Variants in FER observed in about 807,000 individuals in gnomAD.
FER encodes FER tyrosine kinase.
A neutral mutation model predicts 111.0 loss-of-function variants in FER; 63 were observed. The ratio of observed to expected loss-of-function variants is 0.57; its 90% CI spans 0.46 to 0.70. FER has a LOEUF of 0.70. Among genes scored for constraint, FER ranks in the 30% least tolerant of loss-of-function variants. The pLI is 0.00. For missense variants in FER, 914 were observed against 954.0 expected (o/e 0.96, Z 0.55); for synonymous variants, 327 against 313.9 (o/e 1.04, Z -0.44).
At chr5:108,824,008 T>C (rs977396443) in intron 3 of FER, among the ~76,000 whole-genome samples, 4 of 152,178 alleles carry the variant, frequency 2.6e-5, no homozygotes, top group Non-Finnish European at 4.4e-5. Flanking sequence ...TATCCAGTTT[T>C]CCCAACACTG....
At chr5:109,137,631 A>G (rs1753039424) in intron 17 of FER, among the ~76,000 whole-genome samples, 1 of 152,214 alleles carries the variant, frequency 6.6e-6, no homozygotes. Flanking sequence ...GGTACCAGAA[A>G]GAGAAAGAAC....
chr5:109,018,633 T>C (rs542578289), intron 13 of FER, among the ~76,000 whole-genome samples: 12 of 151,942 alleles, frequency 7.9e-5, no homozygotes, highest in South Asian at 2.1e-4. Context: ...TAGGTTTGTG[T>C]AGATGTTAAT....
At chr5:108,902,619 G>T (rs1254332451) in intron 10 of FER, among the ~76,000 whole-genome samples, 1 of 152,200 alleles carries the variant, frequency 6.6e-6, no homozygotes, top group East Asian at 1.9e-4. Flanking sequence ...GAGGACCATA[G>T]TGTAATGGAG....
intron 3 of FER, among the ~76,000 whole-genome samples, chr5:108,802,031 G>A (rs1415491832): frequency 6.6e-6 from 1 of 152,068 alleles, no homozygotes; most frequent in East Asian, 1.9e-4. Context: ...TACTCAGAGC[G>A]GTGTCACCTT....
intron 16 of FER, among the ~76,000 whole-genome samples, chr5:109,063,169 C>T (rs1404210153): frequency 1.3e-5 from 2 of 151,950 alleles, no homozygotes; most frequent in African/African-American, 2.4e-5. Flanking sequence ...AATTCGTTTT[C>T]TTTTAATTTT....
At chr5:109,046,096 C>T (rs1288044860) in intron 15 of FER, among the ~76,000 whole-genome samples, 1 of 151,424 alleles carries the variant, frequency 6.6e-6, no homozygotes, top group Non-Finnish European at 1.5e-5. Flanking sequence ...TCATAGCCCT[C>T]TGATGAAATT....
chr5:108,782,004 C>T (rs1351709257), intron 2 of FER, among the ~76,000 whole-genome samples: 1 of 151,972 alleles, frequency 6.6e-6, no homozygotes, highest in Non-Finnish European at 1.5e-5. Flanking sequence ...AGTATGAAGG[C>T]TGTCTTATGA....
At chr5:109,061,082 A>G (rs1371200913) in intron 16 of FER, among the ~76,000 whole-genome samples, 1 of 152,068 alleles carries the variant, frequency 6.6e-6, no homozygotes, top group African/African-American at 2.4e-5. Flanking sequence ...CCCTTTTACC[A>G]TCATTTGTGA....
intron 13 of FER, among the ~76,000 whole-genome samples, chr5:108,999,549 T>A (rs1561747634): frequency 6.6e-6 from 1 of 152,128 alleles, no homozygotes; most frequent in Non-Finnish European, 1.5e-5. Flanking sequence ...TTCTTTTATT[T>A]TGTATACCTA....
intron 13 of FER, among the ~76,000 whole-genome samples, chr5:108,974,597 G>C (rs1423361739): frequency 6.6e-6 from 1 of 152,168 alleles, no homozygotes; most frequent in African/African-American, 2.4e-5. Context: ...CCATTACAAA[G>C]CAAAAGGAAT....
At chr5:108,934,919 C>T (rs564961202) in intron 10 of FER, among the ~76,000 whole-genome samples, 3 of 151,952 alleles carry the variant, frequency 2.0e-5, no homozygotes, top group Non-Finnish European at 4.4e-5. Context: ...CATATATCTA[C>T]AGAAGGAACA....
intron 1 of FER, among the ~76,000 whole-genome samples, chr5:108,755,732 C>T (rs867322454): frequency 1.8e-4 from 28 of 151,740 alleles, no homozygotes; most frequent in Admixed American, 7.9e-4. Flanking sequence ...GTGATCCACC[C>T]GCCTTGGCCT....
chr5:109,138,213 G>A (rs1359804125), intron 17 of FER, among the ~76,000 whole-genome samples: 1 of 152,086 alleles, frequency 6.6e-6, no homozygotes, highest in East Asian at 1.9e-4. Flanking sequence ...GATTACCAAG[G>A]GATACTTGCC....
chr5:108,772,335 C>CAT lies in FER; in HGVS notation c.-60+4104_-60+4105dup, dbSNP rs548017022. 2.2e-4 allele frequency among the ~76,000 whole-genome samples: 33 copies of CAT among 151,050 alleles called. 1 individual carries two copies. Among genetic ancestry groups the CAT allele is most frequent in the African/African-American group, 8.1e-4 (33 of 40,972 alleles). On this transcript the variant is annotated intron_variant, in intron 2 of 19. Transcript: ENST00000281092. The stretch of plus-strand genomic sequence containing the variant: ...ATATATGTATGTATATATATATACA[C>CAT]ATATATATGTATATATTTTGTTGTT...
At chr5:109,116,735 T>G (rs1176280720) in intron 17 of FER, among the ~76,000 whole-genome samples, 1 of 152,186 alleles carries the variant, frequency 6.6e-6, no homozygotes, top group East Asian at 1.9e-4. Context: ...TGCATTGCAT[T>G]TTGCCTTCAG....
intron 5 of FER, among the ~76,000 whole-genome samples, chr5:108,846,845 C>T (rs562607392): frequency 1.3e-5 from 2 of 151,948 alleles, no homozygotes; most frequent in African/African-American, 4.8e-5. Context: ...GGCCTCCCCA[C>T]CTTTTTATAT....
intron 2 of FER, among the ~76,000 whole-genome samples, chr5:108,788,049 T>C (rs776997359): frequency 6.6e-6 from 1 of 152,228 alleles, no homozygotes; most frequent in Non-Finnish European, 1.5e-5. Flanking sequence ...AGAGAAGATC[T>C]GTGGCCCTTC....
chr5:109,131,706 CAGTAAT>C (rs1752376884), intron 17 of FER, among the ~76,000 whole-genome samples: 2 of 152,084 alleles, frequency 1.3e-5, no homozygotes, highest in Admixed American at 1.3e-4. Context: ...TTTAGTTTGT[CAGTAAT>C]AGTAACTGAG....
At chr5:109,049,467 C>G (rs888080113) in intron 16 of FER, among the ~76,000 whole-genome samples, 1 of 152,160 alleles carries the variant, frequency 6.6e-6, no homozygotes, top group African/African-American at 2.4e-5. Flanking sequence ...CTTTTCACAT[C>G]GTCTTTCTAT....
Sources: gnomAD v4.1 joint callset for allele counts (sites outside exome capture counted in the v4.1 genomes callset) on GRCh38, gnomAD v4.1.1 for gene constraint, MANE v1.5 for transcripts, NCBI Gene and HGNC (gene_info 2026-07-23, HGNC 2026-07-21) for gene names.